PAK4: variants seen among roughly 807,000 people sequenced by gnomAD.
PAK4 encodes serine/threonine-protein kinase PAK 4.
Under a neutral mutation model 53.5 loss-of-function variants are expected in PAK4, and 49 were observed. That is an observed-to-expected ratio of 0.92 (90% confidence interval 0.73 to 1.16). PAK4 has a LOEUF of 1.16. PAK4 is among the 50% of genes most tolerant of loss of function. PAK4 has a pLI of 0.00. For synonymous variants in PAK4, 376 were observed against 375.6 expected, an observed-to-expected ratio of 1.00 and a Z score of -0.01; for missense variants, 824 against 850.7, an observed-to-expected ratio of 0.97 and a Z score of 0.39.
Position 39,175,575 on chromosome 19 carries a change from TC to T in PAK4, c.1359+140del. 1.0e-6 allele frequency: 1 copy of T among 953,578 alleles called. No homozygotes were observed. Among genetic ancestry groups the T allele is most frequent in the Non-Finnish European group, 1.5e-6 (1 of 645,812 alleles). The allele number at this position is 953,578 out of a possible 1,614,324, so 59.1% of individuals were successfully genotyped here. A position where few individuals can be genotyped will look rare whatever the true frequency, so the allele number is the denominator to read the frequency against. Reference sequence around the variant, plus strand: ...CTTGAGGAGCTGGGAACTTCGTCCCTCCCTGGTGGAGCAGCCCAGAGTCAGG... The same window carrying T: ...CTTGAGGAGCTGGGAACTTCGTCCCTCCTGGTGGAGCAGCCCAGAGTCAGG... On this transcript the variant is annotated intron_variant, in intron 6 of 8. Coordinates refer to ENST00000358301, the Ensembl canonical transcript of PAK4. This position sits in a 1 kb window ranked among gnomAD's most constrained non-coding sequence, Gnocchi z 4.7.
intron 1 of PAK4, among the ~76,000 whole-genome samples, chr19:39,149,005 G>T (rs2074051966): frequency 6.6e-6 from 1 of 152,132 alleles, no homozygotes; most frequent in South Asian, 2.1e-4. Flanking sequence ...TAGGATGGCT[G>T]CTGTCAAAAA....
In PAK4 at chr19:39,169,768, C is replaced by CCCA; in HGVS notation, c.204+20_204+22dup. ...CCCGGGGCCCCCAAGGTATGTGGCA[C>CCCA]CCACCACCACCTCCCCCAGCCCACC... On this transcript the variant is annotated intron_variant, in intron 2 of 8. Transcript: ENST00000358301. 1.9e-6 allele frequency: 3 copies of CCCA among 1,576,720 alleles called. No homozygotes were observed. Among genetic ancestry groups the CCCA allele is most frequent in the Non-Finnish European group, 2.6e-6 (3 of 1,158,710 alleles).
intron 2 of PAK4, among the ~76,000 whole-genome samples, chr19:39,170,947 C>G (rs528964151): frequency 1.6e-3 from 243 of 152,364 alleles, no homozygotes; most frequent in Middle Eastern, 3.4e-3. Flanking sequence ...CCGCACCCGA[C>G]CCACCTCAGC....
In PAK4 at chr19:39,173,449, G is replaced by A. The variant is rs572471019; in HGVS notation, c.663+73G>A. The A allele has an allele frequency of 2.3e-3, 2,833 of 1,249,098 alleles. 4 individuals carry two copies. The highest frequency in any genetic ancestry group is 5.1e-3 in the Admixed American group (161 of 31,724). The allele number at this position is 1,249,098 out of a possible 1,614,324, so 77.4% of individuals were successfully genotyped here. The stretch of plus-strand genomic sequence containing the variant: ...TCCTCTGTCCCCACCTTCCAGCCCC[G>A]CCCCACCACCGTGCATCTCATCCTG... On this transcript the variant is annotated intron_variant, in intron 3 of 8. Transcript: ENST00000358301. This position sits in a 1 kb window ranked among gnomAD's most constrained non-coding sequence, Gnocchi z 6.9.
At chr19:39,126,061 A>C (rs534707365) in intron 1 of PAK4, 142 bp downstream of exon 1, 69 of 152,516 alleles carry the variant, frequency 4.5e-4, no homozygotes, top group African/African-American at 1.7e-3. Context: ...GTCGGGGGTT[A>C]ACGCAGACTG....
In PAK4 at chr19:39,175,332, C is replaced by T. The variant is rs1425103983; in HGVS notation, c.1253C>T (p.Ala418Val). The change falls in exon 6 of 9, where the codon GCG becomes GTG. Residue 418 changes from alanine (A) to valine (V), a missense_variant. This residue lies in a region of PAK4 where 346 missense variants were observed against 415.0 expected (regional missense o/e 0.83). Transcript: ENST00000358301. The surrounding 1 kb of genome is among the most constrained non-coding windows in gnomAD (Gnocchi z 4.7). ...CGCAGGATGAACGAGGAGCAGATCG[C>T]GGCCGTGTGCCTTGCAGTGCTGCAG... is the stretch of plus-strand genomic sequence containing the variant. The T allele has an allele frequency of 5.7e-6, 9 of 1,589,878 alleles. No individual in the cohort carries two copies. Among genetic ancestry groups the T allele is most frequent in the African/African-American group, 1.3e-5 (1 of 74,750 alleles).
chr19:39,130,153 G>GGGCGGGA (rs2073675602), intron 1 of PAK4, among the ~76,000 whole-genome samples: 1 of 150,348 alleles, frequency 6.7e-6, no homozygotes, highest in Admixed American at 6.6e-5. Flanking sequence ...AGAGGGGTCA[G>GGGCGGGA]GGTGGGGTGG....
At chr19:39,159,899 C>T (rs73933809) in intron 1 of PAK4, among the ~76,000 whole-genome samples, 2,841 of 152,328 alleles carry the variant, frequency 0.019, 91 homozygotes, top group African/African-American at 0.065. Context: ...AAGGCGTCCC[C>T]CCCACTGGAT....
intron 1 of PAK4, among the ~76,000 whole-genome samples, chr19:39,145,758 G>A (rs1441516659): frequency 1.3e-5 from 2 of 152,170 alleles, no homozygotes; most frequent in African/African-American, 4.8e-5. Context: ...GGGCAGGAGG[G>A]CCTCTTCTCT....
intron 1 of PAK4, among the ~76,000 whole-genome samples, chr19:39,143,241 A>T (rs1382248046): frequency 6.7e-6 from 1 of 148,410 alleles, no homozygotes. Context: ...AGTGCCTGGC[A>T]CCTGCTAAGT....
rs138516359 is a variant in PAK4 at position 39,173,581 on chromosome 19, G to C, written c.669G>C (p.Glu223Asp). The stretch of plus-strand genomic sequence containing the variant: ...CTACCTCTCTTCTGTTTCAGGGGGA[G>C]CCTCATGACGTGGCCCCTAACGGGC... The change falls in exon 4 of 9, where the codon GAG (glutamate) becomes GAC (aspartate). Residue 223 changes from glutamate (E) to aspartate (D), a missense_variant. This residue lies in a region of PAK4 where 478 missense variants were observed against 435.8 expected (regional missense o/e 1.10). Coordinates refer to ENST00000358301, the Ensembl canonical transcript of PAK4. This position sits in a 1 kb window ranked among gnomAD's most constrained non-coding sequence, Gnocchi z 6.9. The C allele has an allele frequency of 7.2e-6, 11 of 1,520,230 alleles. No homozygotes were observed. Among genetic ancestry groups the C allele is most frequent in the Non-Finnish European group, 9.7e-6 (11 of 1,135,574 alleles). 94.2% of individuals were successfully genotyped at this position (1,520,230 alleles called of 1,614,324 possible). A position where few individuals can be genotyped will look rare whatever the true frequency, so the allele number is the denominator to read the frequency against.
At chr19:39,169,638 G>C in exon 2 of PAK4, 1 of 1,613,594 alleles carries the variant, frequency 6.2e-7, no homozygotes, top group African/African-American at 1.3e-5. Context: ...CGACCAGCAC[G>C]AGCAGAAGTT....
At chr19:39,174,066 C>G (rs1318122953) in intron 4 of PAK4, 56 bp downstream of exon 5, 1 of 1,059,122 alleles carries the variant, frequency 9.4e-7, no homozygotes, top group African/African-American at 1.6e-5. Flanking sequence ...CCCTCCCACC[C>G]TCCCTCCCCT....
intron 1 of PAK4, among the ~76,000 whole-genome samples, chr19:39,155,876 G>A (rs1600358544): frequency 1.3e-5 from 2 of 152,240 alleles, no homozygotes; most frequent in African/African-American, 4.8e-5. Context: ...GCAAAGCCCC[G>A]GAGCCCATGC....
In PAK4 at chr19:39,175,470, G is replaced by T. The variant is rs775997277; in HGVS notation, c.1359+32G>T. 4 of 1,579,380 alleles carry T rather than the reference G, an allele frequency of 2.5e-6. 1 individual carries two copies. In the Middle Eastern group the frequency reaches 5.0e-4, roughly 198 times the overall value. ...GGACGGGCGGCGGGGTACGGGGGCGGCAGGTTTCCGGCTGCGGGGCTTCCC... is the reference window on the plus strand; with the variant it reads ...GGACGGGCGGCGGGGTACGGGGGCGTCAGGTTTCCGGCTGCGGGGCTTCCC... On this transcript the variant is annotated intron_variant, in intron 6 of 8. Transcript: ENST00000358301. This position sits in a 1 kb window ranked among gnomAD's most constrained non-coding sequence, Gnocchi z 4.7.
chr19:39,171,770 C>T (rs1011714912), intron 2 of PAK4, among the ~76,000 whole-genome samples: 5 of 152,214 alleles, frequency 3.3e-5, no homozygotes, highest in African/African-American at 1.2e-4. Context: ...GGACATCTGG[C>T]AGCCCCGGGC....
chr19:39,158,660 G>A (rs147695680), intron 1 of PAK4, among the ~76,000 whole-genome samples: 3 of 152,282 alleles, frequency 2.0e-5, no homozygotes, highest in Admixed American at 6.5e-5. Flanking sequence ...ATCACTGGGG[G>A]CTCTGAGCGC....
chr19:39,127,191 C>T (rs887165739), intron 1 of PAK4, among the ~76,000 whole-genome samples: 7 of 151,908 alleles, frequency 4.6e-5, no homozygotes, highest in Non-Finnish European at 1.0e-4. Flanking sequence ...CTGGGCAGAG[C>T]GGGGTGTTCA....
At chr19:39,164,855 G>A (rs1462791222) in intron 1 of PAK4, among the ~76,000 whole-genome samples, 1 of 152,140 alleles carries the variant, frequency 6.6e-6, no homozygotes, top group Non-Finnish European at 1.5e-5. Flanking sequence ...GTCTGCTCTG[G>A]GCCATGGGTC....
Sources: gnomAD v4.1 joint callset for allele counts (sites outside exome capture counted in the v4.1 genomes callset) on GRCh38, gnomAD v4.1.1 for gene constraint, gnomAD v4.1.1 regional missense constraint, Gnocchi (gnomAD v3.1) non-coding constraint, MANE v1.5 for transcripts, NCBI Gene and HGNC (gene_info 2026-07-23, HGNC 2026-07-21) for gene names.